TYW5: variants seen among roughly 807,000 people sequenced by gnomAD.
TYW5 encodes the protein tRNA-yW synthesizing protein 5, also known as tRNA wybutosine-synthesizing protein 5.
In TYW5, 36 loss-of-function variants were observed where a neutral mutation model predicts 44.4. The ratio of observed to expected loss-of-function variants is 0.81; its 90% CI spans 0.62 to 1.07. The LOEUF is 1.07. TYW5 is among the 50% of genes least tolerant of loss of function. TYW5 has a pLI of 0.00. For synonymous variants in TYW5, 121 were observed against 128.1 expected, an observed-to-expected ratio of 0.94 and a Z score of 0.37; for missense variants, 354 against 365.7, an observed-to-expected ratio of 0.97 and a Z score of 0.26.
At chr2:199,951,577 C>T (rs2077545182) in intron 1 of TYW5, among the ~76,000 whole-genome samples, 2 of 152,186 alleles carry the variant, frequency 1.3e-5, no homozygotes, top group Non-Finnish European at 1.5e-5. Context: ...ATCCCCTATG[C>T]ATAACTGATC....
chr2:199,929,441 T>TA lies in TYW5; in HGVS notation c.*3625_*3626insT, dbSNP rs143655880. The stretch of plus-strand genomic sequence containing the variant: ...TAAGGTAACACCAGAGATGTGTGGG[T>TA]GACTGCCAATCTATGTTAGTTCCTC... On this transcript the variant is annotated 3_prime_UTR_variant, in exon 8 of 8. Coordinates refer to ENST00000354611, the MANE Select transcript of TYW5 (RefSeq NM_001039693.3). Among the ~76,000 whole-genome samples, 1,879 of 152,176 alleles carry TA rather than the reference T, an allele frequency of 0.012. 17 individuals carry two copies. Among genetic ancestry groups the TA allele is most frequent in the Non-Finnish European group, 0.018 (1,196 of 67,960 alleles).
chr2:199,937,900 T>A (rs1230917862), intron 5 of TYW5, among the ~76,000 whole-genome samples: 1 of 111,324 alleles, frequency 9.0e-6, no homozygotes, highest in African/African-American at 3.1e-5. Context: ...AACTTAAAAA[T>A]TTTTTTTTCT....
At chr2:199,943,652 G>A (rs892367385) in intron 3 of TYW5, 113 bp downstream of exon 3, 20 of 819,158 alleles carry the variant, frequency 2.4e-5, no homozygotes, top group Middle Eastern at 7.3e-4. Flanking sequence ...CAAATCTTAC[G>A]AATGTCTATC....
chr2:199,929,554 A>ATT lies in TYW5; in HGVS notation c.*3511_*3512dup, dbSNP rs33943305. Among the ~76,000 whole-genome samples the ATT allele has an allele frequency of 4.0e-4, 43 of 107,526 alleles. No homozygotes were observed. Among genetic ancestry groups the ATT allele is most frequent in the Non-Finnish European group, 7.4e-4 (37 of 50,288 alleles). 70.5% of individuals were successfully genotyped at this position (107,526 alleles called of 152,430 possible). On this transcript the variant is annotated 3_prime_UTR_variant, in exon 8 of 8. Coordinates refer to ENST00000354611, the MANE Select transcript of TYW5 (RefSeq NM_001039693.3). ...CCAGGCCTGCCTTCCAGCTTCCTGCATTTTTTTTTTTTTTTTTTTGTCAAC... is the reference window on the plus strand; with the variant it reads ...CCAGGCCTGCCTTCCAGCTTCCTGCATTTTTTTTTTTTTTTTTTTTTGTCAAC...
chr2:199,943,898 C>G, intron 2 of TYW5, 64 bp from the exon 3 acceptor site: 1 of 1,242,746 alleles, frequency 8.0e-7, no homozygotes, highest in Non-Finnish European at 1.1e-6. Flanking sequence ...AGAATCTAAT[C>G]ACTATACATA....
intron 3 of TYW5, 73 bp downstream of exon 3, chr2:199,943,692 T>C (rs1249156733): frequency 6.5e-6 from 8 of 1,231,830 alleles, no homozygotes; most frequent in South Asian, 5.3e-5. Context: ...GTGTATCTAC[T>C]ATTCTTTCAT....
chr2:199,935,990 A>G lies in TYW5; in HGVS notation c.632T>C (p.Phe211Ser), dbSNP rs754572171. ...ACATTCATATCTTCTAGCCTTGGAA[A>G]AAAGTGGATATTTAGCCAAGTCTGG... ...DNPDLAKYPL[F>S]SKARRYECSL... Residue 211 changes from phenylalanine to serine, a missense_variant, in exon 7 of 8, where the codon TTT becomes TCT. Coordinates refer to ENST00000354611, the MANE Select transcript of TYW5 (RefSeq NM_001039693.3). 48 of 1,613,420 alleles carry G rather than the reference A, an allele frequency of 3.0e-5. No homozygotes were observed. Among genetic ancestry groups the G allele is most frequent in the Non-Finnish European group, 3.8e-5 (45 of 1,179,592 alleles).
chr2:199,937,600 G>C (rs2077430804), intron 5 of TYW5, among the ~76,000 whole-genome samples: 2 of 151,996 alleles, frequency 1.3e-5, no homozygotes, highest in African/African-American at 4.8e-5. Flanking sequence ...ATCTGGGAGG[G>C]ACTGGTTGCA....
At chr2:199,946,382 T>C (rs1483921380) in intron 2 of TYW5, 1 of 151,982 alleles carries the variant, frequency 6.6e-6, no homozygotes, top group Admixed American at 6.6e-5. Context: ...AAAATCAAGA[T>C]CAGAACTGAT....
At chr2:199,946,865 A>G (rs553069334) in intron 2 of TYW5, 5 of 152,332 alleles carry the variant, frequency 3.3e-5, no homozygotes, top group African/African-American at 9.6e-5. Context: ...GAACTATTAC[A>G]TAATGTATGT....
At chr2:199,945,331 A>G (rs920923982) in intron 2 of TYW5, 1 of 152,144 alleles carries the variant, frequency 6.6e-6, no homozygotes, top group Non-Finnish European at 1.5e-5. Context: ...TCCCGCAAAA[A>G]GCTAAGGGAA....
rs1325475915 is a variant in TYW5, at chr2:199,933,228, T to G, written c.787A>C (p.Thr263Pro). 1 of 1,614,114 alleles carries G rather than the reference T, an allele frequency of 6.2e-7. No homozygotes were observed. Residue 263 changes from threonine to proline, a missense_variant, in exon 8 of 8, where the codon ACC becomes CCC. Physicochemically the swap from Thr to Pro is conservative, Grantham distance 38 (BLOSUM62 -1). Transcript: ENST00000354611. The part of the protein sequence containing the change: ...LPSECYDKTD[T>P]YGNKDPTAAS... ...GCTGTAGGATCTTTGTTTCCATAGGTATCTGTTTTATCATAGCATTCAGAT... is the reference window on the plus strand; with the variant it reads ...GCTGTAGGATCTTTGTTTCCATAGGGATCTGTTTTATCATAGCATTCAGAT...
rs1260494402 is a variant in TYW5, at chr2:199,935,968, T to C, written c.654A>G (p.Glu218=). The change falls in exon 7 of 8, where the codon GAA becomes GAG. Residue 218 remains glutamate, a synonymous_variant. Coordinates refer to ENST00000354611, the MANE Select transcript of TYW5 (RefSeq NM_001039693.3). ...ATACATCACCAGCTTCAAGGGAACA[T>C]TCATATCTTCTAGCCTTGGAAAAAA... is the stretch of plus-strand genomic sequence containing the variant. ...YPLFSKARRY[E]CSLEAGDVLF... is the part of the protein sequence containing the mutation. 3 of 1,612,800 alleles carry C rather than the reference T, an allele frequency of 1.9e-6. No homozygotes were observed.
At chr2:199,948,782 T>C (rs1417450775) in intron 1 of TYW5, among the ~76,000 whole-genome samples, 1 of 152,198 alleles carries the variant, frequency 6.6e-6, no homozygotes, top group African/African-American at 2.4e-5. Flanking sequence ...TTCAAACTTA[T>C]AAAAAAGTTT....
At chr2:199,935,198 TAA>T (rs1042146492) in intron 7 of TYW5, among the ~76,000 whole-genome samples, 2 of 152,080 alleles carry the variant, frequency 1.3e-5, no homozygotes, top group African/African-American at 4.8e-5. Flanking sequence ...TTCCCAGATA[TAA>T]AGTGTCCCAC....
chr2:199,950,903 A>G (rs989977461), intron 1 of TYW5, among the ~76,000 whole-genome samples: 1 of 152,196 alleles, frequency 6.6e-6, no homozygotes, highest in Non-Finnish European at 1.5e-5. Flanking sequence ...CAAACCTGTC[A>G]CACTTGTTTT....
In TYW5 at chr2:199,929,194, G is replaced by C. The variant is rs1392225734; in HGVS notation, c.*3873C>G. ...TAGAAAGAGACTACATCGTGGGGTTGGGGGAGGGGGAAGGGATAGCATTAG... is the reference window on the plus strand; with the variant it reads ...TAGAAAGAGACTACATCGTGGGGTTCGGGGAGGGGGAAGGGATAGCATTAG... On this transcript the variant is annotated 3_prime_UTR_variant, in exon 8 of 8. Coordinates refer to ENST00000354611, the MANE Select transcript of TYW5 (RefSeq NM_001039693.3). Among the ~76,000 whole-genome samples, 2 of 110,486 alleles carry C rather than the reference G, an allele frequency of 1.8e-5. No homozygotes were observed. Among genetic ancestry groups the C allele is most frequent in the Admixed American group, 1.7e-4 (2 of 11,964 alleles). 72.5% of individuals were successfully genotyped at this position (110,486 alleles called of 152,430 possible).
chr2:199,955,202 T>C, intron 1 of TYW5, 191 bp downstream of exon 1: 1 of 576,652 alleles, frequency 1.7e-6, no homozygotes. Context: ...TCTCCGGAAA[T>C]TTCAATAGAG....
chr2:199,951,030 T>C (rs748038937), intron 1 of TYW5, among the ~76,000 whole-genome samples: 5 of 152,204 alleles, frequency 3.3e-5, no homozygotes, highest in Non-Finnish European at 5.9e-5. Context: ...AAAAATTGAG[T>C]AATTATTTAC....
Sources: gnomAD v4.1 joint callset for allele counts (sites outside exome capture counted in the v4.1 genomes callset) on GRCh38, gnomAD v4.1.1 for gene constraint, MANE v1.5 for transcripts, NCBI Gene and HGNC (gene_info 2026-07-23, HGNC 2026-07-21) for gene names.